Variants in RNF185 observed in about 807,000 individuals in gnomAD.
RNF185 encodes the protein ring finger protein 185, also known as E3 ubiquitin-protein ligase RNF185.
RNF185 carries 13 observed loss-of-function variants against 24.9 expected under a neutral mutation model. That is an observed-to-expected ratio of 0.52 (90% CI 0.34 to 0.83). RNF185 has a LOEUF of 0.83. Ranked by LOEUF, RNF185 falls within the 40% of genes least tolerant of loss-of-function variation. The pLI is 0.01. For missense variants in RNF185, 184 were observed against 244.7 expected (o/e 0.75, Z 1.65); for synonymous variants, 79 against 90.3 (o/e 0.88, Z 0.71).
At chr22:31,200,326 C>A (rs1438333510) in intron 5 of RNF185, among the ~76,000 whole-genome samples, 1 of 152,056 alleles carries the variant, frequency 6.6e-6, no homozygotes, top group East Asian at 1.9e-4. Context: ...CATTGCACTC[C>A]AGGCTTGGTG....
At chr22:31,165,209 C>T (rs1201122908) in intron 1 of RNF185, among the ~76,000 whole-genome samples, 2 of 152,052 alleles carry the variant, frequency 1.3e-5, no homozygotes, top group Non-Finnish European at 2.9e-5. Flanking sequence ...TGAGCCACTG[C>T]GCCTGGCCAT....
At chr22:31,188,955 TAA>T (rs34561325) in intron 2 of RNF185, among the ~76,000 whole-genome samples, 3 of 118,066 alleles carry the variant, frequency 2.5e-5, no homozygotes, top group African/African-American at 3.2e-5. Context: ...CCGTTTCTAC[TAA>T]AAAAAAAAAA....
intron 2 of RNF185, among the ~76,000 whole-genome samples, chr22:31,189,577 G>T (rs1043861084): frequency 6.6e-6 from 1 of 151,126 alleles, no homozygotes; most frequent in African/African-American, 2.4e-5. Flanking sequence ...GATTACAGGC[G>T]TGAGCCACCA....
intron 2 of RNF185, among the ~76,000 whole-genome samples, chr22:31,192,276 G>A (rs2147953459): frequency 6.6e-6 from 1 of 152,286 alleles, no homozygotes; most frequent in Admixed American, 6.5e-5. Flanking sequence ...TGTAGTACAT[G>A]TGTATGTGAA....
At chr22:31,188,470 C>T (rs922618746) in intron 2 of RNF185, among the ~76,000 whole-genome samples, 7 of 152,066 alleles carry the variant, frequency 4.6e-5, no homozygotes, top group Non-Finnish European at 1.0e-4. Context: ...AATTCAAAGA[C>T]AGGATACCCC....
chr22:31,183,871 A>G (rs2048065424), intron 1 of RNF185, among the ~76,000 whole-genome samples: 2 of 152,178 alleles, frequency 1.3e-5, no homozygotes, highest in African/African-American at 4.8e-5. Context: ...TATTGTCATC[A>G]TGGCCCGTTC....
At chr22:31,189,859 G>T (rs962791056) in intron 2 of RNF185, among the ~76,000 whole-genome samples, 3 of 152,084 alleles carry the variant, frequency 2.0e-5, no homozygotes, top group South Asian at 2.1e-4. Flanking sequence ...CTCCCATAGT[G>T]CTGGGATTAC....
chr22:31,181,863 G>A (rs2048040262), intron 1 of RNF185, among the ~76,000 whole-genome samples: 1 of 142,466 alleles, frequency 7.0e-6, no homozygotes, highest in South Asian at 2.4e-4. Flanking sequence ...GTGGGGTGGG[G>A]GGAGGGGGAA....
At position 31,175,113 on chromosome 22, in the gene RNF185, A is replaced by G. The variant is rs147691143; in HGVS notation, c.-48-11934A>G. 3.9e-3 allele frequency among the ~76,000 whole-genome samples: 592 copies of G among 151,730 alleles called. 1 individual carries two copies. The highest frequency in any genetic ancestry group is 0.013 in the African/African-American group (546 of 41,340). On this transcript the variant is annotated intron_variant, in intron 1 of 6. Coordinates refer to ENST00000326132, the MANE Select transcript of RNF185 (RefSeq NM_152267.4). ...AAAAAAGTAGTGGACGAAAATGTGA[A>G]AAAGTAGGAACAGCTGGCTCTAGAA...
chr22:31,184,280 G>T (rs2147942993), intron 1 of RNF185, among the ~76,000 whole-genome samples: 1 of 152,006 alleles, frequency 6.6e-6, no homozygotes, highest in Non-Finnish European at 1.5e-5. Flanking sequence ...CCCAGACGGG[G>T]TCGCGGCCTG....
chr22:31,182,109 CTT>C (rs747537462), intron 1 of RNF185, among the ~76,000 whole-genome samples: 36 of 122,770 alleles, frequency 2.9e-4, no homozygotes, highest in Admixed American at 8.2e-4. Context: ...ACAGTAATTC[CTT>C]TTTTTTTTTT....
chr22:31,187,183 G>A lies in RNF185; in HGVS notation c.89G>A (p.Ser30Asn), dbSNP rs201063629. ...GGGAGCAGCAATGGCGCTGGCGAGA[G>A]CGGAGGGCAGGACAGCACTTTCGAG... ...PSGSSNGAGE[S>N]GGQDSTFECN... Residue 30 changes from serine (S) to asparagine (N), a missense_variant, in exon 2 of 7, where the codon AGC becomes AAC. Physicochemically the swap from Ser to Asn is conservative, Grantham distance 46. Coordinates refer to ENST00000326132, the MANE Select transcript of RNF185 (RefSeq NM_152267.4). 2 of 1,614,016 alleles carry A rather than the reference G, an allele frequency of 1.2e-6. No individual in the cohort carries two copies. The highest frequency in any genetic ancestry group is 2.2e-5 in the East Asian group (1 of 44,866).
intron 5 of RNF185, among the ~76,000 whole-genome samples, chr22:31,199,030 G>A (rs1405055942): frequency 6.6e-6 from 1 of 151,064 alleles, no homozygotes; most frequent in Non-Finnish European, 1.5e-5. Context: ...AACTCGGGAG[G>A]CAGAGGTTGC....
chr22:31,180,481 A>G (rs915477777), intron 1 of RNF185, among the ~76,000 whole-genome samples: 3 of 152,088 alleles, frequency 2.0e-5, no homozygotes, highest in Non-Finnish European at 4.4e-5. Context: ...AAGAAGAAAA[A>G]AAAGTAATAC....
At chr22:31,170,464 C>T (rs2047917785) in intron 1 of RNF185, among the ~76,000 whole-genome samples, 1 of 152,170 alleles carries the variant, frequency 6.6e-6, no homozygotes, top group East Asian at 1.9e-4. Flanking sequence ...GCTGGGATTA[C>T]AGGCATGAGC....
At chr22:31,163,094 A>G (rs1284530507) in intron 1 of RNF185, among the ~76,000 whole-genome samples, 1 of 152,156 alleles carries the variant, frequency 6.6e-6, no homozygotes, top group Non-Finnish European at 1.5e-5. Context: ...GATGGGAAAT[A>G]AAAGAAGAAT....
intron 1 of RNF185, among the ~76,000 whole-genome samples, chr22:31,173,953 A>G (rs1366270256): frequency 6.6e-6 from 1 of 152,216 alleles, no homozygotes; most frequent in Non-Finnish European, 1.5e-5. Flanking sequence ...TTACTCAGCA[A>G]ATTAACCAAG....
chr22:31,187,715 A>G (rs1192561678), intron 2 of RNF185, among the ~76,000 whole-genome samples: 1 of 152,192 alleles, frequency 6.6e-6, no homozygotes, highest in Non-Finnish European at 1.5e-5. Flanking sequence ...AAAATATGTA[A>G]AAGGCTTAGA....
In RNF185 at chr22:31,206,282, T is replaced by C. The variant is rs1304536407; in HGVS notation, c.*1696T>C. ...GACAAAATATAAAGTATTGAGTAGGTGGTTCATATGCCGAATCCACTTGGT... is the reference window on the plus strand; with the variant it reads ...GACAAAATATAAAGTATTGAGTAGGCGGTTCATATGCCGAATCCACTTGGT... On this transcript the variant is annotated 3_prime_UTR_variant, in exon 7 of 7. Coordinates refer to ENST00000326132, the MANE Select transcript of RNF185 (RefSeq NM_152267.4). 6.6e-6 allele frequency: 1 copy of C among 152,552 alleles called. No homozygotes were observed. Among genetic ancestry groups the C allele is most frequent in the Non-Finnish European group, 1.5e-5 (1 of 68,042 alleles). The allele number at this position is 152,552 out of a possible 1,614,324, so 9.4% of individuals were successfully genotyped here.
Sources: allele counts gnomAD v4.1 joint callset (sites outside exome capture counted in the v4.1 genomes callset), GRCh38; gene constraint gnomAD v4.1.1; transcripts MANE v1.5; gene names NCBI Gene and HGNC (gene_info 2026-07-23, HGNC 2026-07-21).